Variants in CLIC4 observed in about 807,000 individuals in gnomAD.
The protein encoded by CLIC4 is CLIC family member 4.
Under a neutral mutation model 24.6 loss-of-function variants are expected in CLIC4, and 13 were observed. The ratio of observed to expected loss-of-function variants is 0.53; its 90% CI spans 0.34 to 0.84. The LOEUF (loss-of-function observed/expected upper bound fraction) is 0.84, where lower values mean the gene tolerates loss of function less well. Among genes scored for constraint, CLIC4 ranks in the 40% least tolerant of loss-of-function variants. The pLI, the probability that CLIC4 is intolerant of heterozygous loss-of-function variation, is 0.01. For synonymous variants in CLIC4, 104 were observed against 111.3 expected, an observed-to-expected ratio of 0.93 and a Z score of 0.41; for missense variants, 227 against 301.7, an observed-to-expected ratio of 0.75 and a Z score of 1.83.
intron 1 of CLIC4, among the ~76,000 whole-genome samples, chr1:24,772,146 C>A (rs1264393480): frequency 2.6e-5 from 4 of 152,100 alleles, no homozygotes; most frequent in Admixed American, 1.3e-4. Flanking sequence ...ATTCTTTGAC[C>A]CGAAAGAATA....
intron 4 of CLIC4, among the ~76,000 whole-genome samples, chr1:24,829,899 TTAC>T (rs1639823487): frequency 6.6e-6 from 1 of 152,234 alleles, no homozygotes; most frequent in Non-Finnish European, 1.5e-5. Flanking sequence ...TAAATACCCA[TTAC>T]CTCTTTCTAT....
rs2124152595 is a variant in CLIC4 at position 24,814,234 on chromosome 1, A to G, written c.308+15A>G. The G allele has an allele frequency of 6.2e-7, 1 of 1,603,152 alleles. No individual in the cohort carries two copies. The highest frequency in any genetic ancestry group is 8.5e-7 in the Non-Finnish European group (1 of 1,176,312). The stretch of plus-strand genomic sequence containing the variant: ...TGCCCTCCCAAGTGAGTATCAAGGA[A>G]AATACGTATGAAAATATTGTCACTT... On this transcript the variant is annotated intron_variant, in intron 3 of 5. Coordinates refer to ENST00000374379, the MANE Select transcript of CLIC4 (RefSeq NM_013943.3).
chr1:24,802,431 T>C (rs1251406091), intron 2 of CLIC4, among the ~76,000 whole-genome samples: 3 of 152,144 alleles, frequency 2.0e-5, no homozygotes, highest in Non-Finnish European at 2.9e-5. Context: ...GCCTTATAAT[T>C]AGAAAATATC....
chr1:24,819,324 G>C (rs754416048), intron 3 of CLIC4, among the ~76,000 whole-genome samples: 1 of 151,958 alleles, frequency 6.6e-6, no homozygotes, highest in Non-Finnish European at 1.5e-5. Context: ...TTCAGGCCAT[G>C]CATATAATTA....
At chr1:24,781,323 T>TA (rs371065116) in intron 1 of CLIC4, among the ~76,000 whole-genome samples, 1 of 149,752 alleles carries the variant, frequency 6.7e-6, no homozygotes, top group Non-Finnish European at 1.5e-5. Flanking sequence ...TTTTTTTTTT[T>TA]AGTAGAGATG....
At chr1:24,805,102 A>C (rs533727879) in intron 2 of CLIC4, among the ~76,000 whole-genome samples, 45 of 140,156 alleles carry the variant, frequency 3.2e-4, no homozygotes, top group East Asian at 2.4e-3. Flanking sequence ...AAAAAAAAAA[A>C]AAACACAAAA....
intron 1 of CLIC4, among the ~76,000 whole-genome samples, chr1:24,757,893 A>G (rs1638871487): frequency 6.6e-6 from 1 of 151,592 alleles, no homozygotes; most frequent in Non-Finnish European, 1.5e-5. Flanking sequence ...TCAGCCTTCC[A>G]AGTAGCTGGG....
intron 3 of CLIC4, among the ~76,000 whole-genome samples, chr1:24,821,525 T>C (rs72654701): frequency 6.6e-6 from 1 of 152,090 alleles, no homozygotes; most frequent in African/African-American, 2.4e-5. Context: ...AATTTTTACT[T>C]CTTCTTTGTT....
chr1:24,771,332 T>TG (rs1639068656), intron 1 of CLIC4, among the ~76,000 whole-genome samples: 1 of 152,218 alleles, frequency 6.6e-6, no homozygotes, highest in African/African-American at 2.4e-5. Context: ...TCCTACTGTT[T>TG]GGGGCAGTTT....
chr1:24,819,742 A>G (rs1639707162), intron 3 of CLIC4, among the ~76,000 whole-genome samples: 1 of 112,562 alleles, frequency 8.9e-6, no homozygotes, highest in Non-Finnish European at 1.9e-5. Flanking sequence ...CCTGACCATA[A>G]CTTTTTTTCT....
intron 3 of CLIC4, among the ~76,000 whole-genome samples, chr1:24,820,067 G>GTGTATATATATATTTATATATATA (rs1212033050): frequency 2.7e-5 from 1 of 36,472 alleles, no homozygotes; most frequent in Non-Finnish European, 5.2e-5. Context: ...AAAAAAGTAT[G>GTGTATATATATATTTATATATATA]TATATATATA....
At chr1:24,793,730 G>T (rs141437452) in intron 1 of CLIC4, among the ~76,000 whole-genome samples, 12 of 151,140 alleles carry the variant, frequency 7.9e-5, no homozygotes, top group Non-Finnish European at 1.8e-4. Flanking sequence ...CTTAAACCAA[G>T]CTCTGTTGTA....
chr1:24,820,360 G>A (rs1255464351), intron 3 of CLIC4, among the ~76,000 whole-genome samples: 1 of 125,790 alleles, frequency 7.9e-6, no homozygotes, highest in African/African-American at 3.0e-5. Context: ...CCACAGCCTC[G>A]ACCTCCTGGG....
At chr1:24,760,137 A>G (rs939803212) in intron 1 of CLIC4, among the ~76,000 whole-genome samples, 1 of 152,182 alleles carries the variant, frequency 6.6e-6, no homozygotes, top group African/African-American at 2.4e-5. Flanking sequence ...AGGCTGAGGC[A>G]GGTGGATCAG....
chr1:24,799,060 C>T (rs1330545193), intron 2 of CLIC4, among the ~76,000 whole-genome samples: 1 of 152,158 alleles, frequency 6.6e-6, no homozygotes, highest in Non-Finnish European at 1.5e-5. Flanking sequence ...CTCTGCCCGG[C>T]CGCCACCCCA....
intron 1 of CLIC4, among the ~76,000 whole-genome samples, chr1:24,787,502 T>C (rs1203469620): frequency 6.6e-6 from 1 of 152,120 alleles, no homozygotes; most frequent in Non-Finnish European, 1.5e-5. Context: ...GTTTTTAGTA[T>C]ATTCACAGAG....
At chr1:24,764,931 C>T (rs541546574) in intron 1 of CLIC4, among the ~76,000 whole-genome samples, 1 of 152,102 alleles carries the variant, frequency 6.6e-6, no homozygotes, top group Non-Finnish European at 1.5e-5. Flanking sequence ...TACTAAGTGC[C>T]TACTAGGAAC....
intron 2 of CLIC4, among the ~76,000 whole-genome samples, chr1:24,798,791 G>C (rs941031003): frequency 2.0e-5 from 3 of 147,284 alleles, no homozygotes; most frequent in East Asian, 2.2e-4. Flanking sequence ...GAGTGCCTGC[G>C]ATTGCAGGCA....
chr1:24,749,793 A>G (rs1338844344), intron 1 of CLIC4, among the ~76,000 whole-genome samples: 1 of 152,090 alleles, frequency 6.6e-6, no homozygotes, highest in Non-Finnish European at 1.5e-5. Context: ...CCCTGTCTCT[A>G]CAAAAACTAT....
Sources: gnomAD v4.1 joint callset for allele counts (sites outside exome capture counted in the v4.1 genomes callset) on GRCh38, gnomAD v4.1.1 for gene constraint, MANE v1.5 for transcripts, NCBI Gene and HGNC (gene_info 2026-07-23, HGNC 2026-07-21) for gene names.